The following CTNND2 variants were observed in gnomAD, a reference collection of about 807,000 sequenced individuals.
CTNND2 encodes the protein catenin delta 2.
A neutral mutation model predicts 144.4 loss-of-function variants in CTNND2; 22 were observed. The ratio of observed to expected loss-of-function variants is 0.15; its 90% confidence interval spans 0.11 to 0.22. CTNND2 has a LOEUF of 0.22. Ranked by LOEUF, CTNND2 falls within the 10% of genes least tolerant of loss-of-function variation. The pLI is 1.00. For synonymous variants in CTNND2, 751 were observed against 695.6 expected (o/e 1.08, Z -1.25); for missense variants, 1,353 against 1,618.8 (o/e 0.84, Z 2.82).
At chr5:11,623,816 A>ATATATATATATATATG (rs1781001552) in intron 2 of CTNND2, among the ~76,000 whole-genome samples, 2 of 54,960 alleles carry the variant, frequency 3.6e-5, no homozygotes, top group Non-Finnish European at 3.9e-5. Flanking sequence ...ATGTATATAT[A>ATATATATATATATATG]TATATATATA....
intron 9 of CTNND2, among the ~76,000 whole-genome samples, chr5:11,323,592 GAGC>G (rs1320619161): frequency 6.6e-6 from 1 of 152,164 alleles, no homozygotes; most frequent in Non-Finnish European, 1.5e-5. Context: ...AGGATCCTGG[GAGC>G]AGAACAGATT....
chr5:11,201,712 G>T (rs141968404), intron 10 of CTNND2, among the ~76,000 whole-genome samples: 25 of 152,332 alleles, frequency 1.6e-4, no homozygotes, highest in African/African-American at 6.0e-4. Context: ...GGACAGTGTG[G>T]TTGAGGGGGT....
intron 3 of CTNND2, among the ~76,000 whole-genome samples, chr5:11,455,170 A>G (rs1209091206): frequency 6.6e-6 from 1 of 151,782 alleles, no homozygotes; most frequent in Non-Finnish European, 1.5e-5. Flanking sequence ...AAAGACTGAT[A>G]GTAAAAAACG....
At chr5:11,638,026 T>C (rs950284045) in intron 2 of CTNND2, among the ~76,000 whole-genome samples, 1 of 152,212 alleles carries the variant, frequency 6.6e-6, no homozygotes, top group Non-Finnish European at 1.5e-5. Flanking sequence ...ACAGCCTCTC[T>C]TTTTTCATCA....
At chr5:11,440,592 T>C (rs1002691298) in intron 3 of CTNND2, among the ~76,000 whole-genome samples, 1 of 152,206 alleles carries the variant, frequency 6.6e-6, no homozygotes, top group Non-Finnish European at 1.5e-5. Flanking sequence ...AGCCTTGTAT[T>C]CAGAAATTGA....
chr5:11,406,950 C>T (rs1288343229), intron 5 of CTNND2, among the ~76,000 whole-genome samples: 1 of 151,960 alleles, frequency 6.6e-6, no homozygotes, highest in Non-Finnish European at 1.5e-5. Flanking sequence ...AAAATAATTA[C>T]TATTGCAAAA....
In CTNND2 at chr5:11,262,654, C is replaced by T. The variant is rs539529191; in HGVS notation, c.1629-25831G>A. Among the ~76,000 whole-genome samples the T allele has an allele frequency of 2.6e-4, 39 of 148,060 alleles. No homozygotes were observed. The South Asian group carries it at 3.3e-3, about 13-fold the overall frequency. On this transcript the variant is annotated intron_variant, in intron 9 of 21. Transcript: ENST00000304623. Reference sequence around the variant, plus strand: ...GCGGGCACCTGTAGTCCCAGCTACTCGGGAGGCTGAAGCAGGAGAATGGCG... The same window carrying T: ...GCGGGCACCTGTAGTCCCAGCTACTTGGGAGGCTGAAGCAGGAGAATGGCG...
At chr5:11,477,127 T>C (rs1488194021) in intron 3 of CTNND2, among the ~76,000 whole-genome samples, 1 of 152,228 alleles carries the variant, frequency 6.6e-6, no homozygotes. Context: ...TCCATTGCTT[T>C]ACGGGCAGGT....
At chr5:11,665,236 T>C (rs1009361196) in intron 2 of CTNND2, among the ~76,000 whole-genome samples, 3 of 152,186 alleles carry the variant, frequency 2.0e-5, no homozygotes, top group African/African-American at 7.2e-5. Flanking sequence ...GTGGGCTAGC[T>C]GGGAACCTTG....
chr5:10,995,373 A>T (rs1739227867), intron 18 of CTNND2, among the ~76,000 whole-genome samples: 1 of 152,100 alleles, frequency 6.6e-6, no homozygotes, highest in African/African-American at 2.4e-5. Context: ...GCAATGCGTG[A>T]GGAGGAGAAG....
At chr5:11,089,826 A>G (rs1750576760) in intron 15 of CTNND2, among the ~76,000 whole-genome samples, 2 of 152,194 alleles carry the variant, frequency 1.3e-5, no homozygotes, top group Admixed American at 6.5e-5. Flanking sequence ...CCTGGCCAAT[A>G]TAGTGAAACT....
chr5:11,837,652 C>T (rs1245870798), intron 1 of CTNND2, among the ~76,000 whole-genome samples: 2 of 152,012 alleles, frequency 1.3e-5, no homozygotes, highest in Admixed American at 6.5e-5. Flanking sequence ...GTCAGATCCT[C>T]TGGACAAAAG....
intron 11 of CTNND2, among the ~76,000 whole-genome samples, chr5:11,179,678 G>T (rs1360898844): frequency 1.3e-5 from 2 of 152,040 alleles, no homozygotes; most frequent in Non-Finnish European, 2.9e-5. Flanking sequence ...AAATTTGAGG[G>T]CTGAGGACCT....
At chr5:11,329,295 C>T (rs1318723227) in intron 9 of CTNND2, among the ~76,000 whole-genome samples, 1 of 152,174 alleles carries the variant, frequency 6.6e-6, no homozygotes, top group Non-Finnish European at 1.5e-5. Flanking sequence ...GCTGGGACTA[C>T]AGGCATGCGC....
chr5:11,715,141 C>T (rs1429800247), intron 2 of CTNND2, among the ~76,000 whole-genome samples: 1 of 152,012 alleles, frequency 6.6e-6, no homozygotes, highest in African/African-American at 2.4e-5. Context: ...AAAATAAATG[C>T]CCCAATTTAA....
chr5:11,784,520 T>A (rs1388700269), intron 1 of CTNND2, among the ~76,000 whole-genome samples: 1 of 152,228 alleles, frequency 6.6e-6, no homozygotes, highest in Non-Finnish European at 1.5e-5. Flanking sequence ...CAATGGGATA[T>A]CCTTCCATTG....
At chr5:11,482,237 C>G (rs1768346194) in intron 3 of CTNND2, among the ~76,000 whole-genome samples, 1 of 152,080 alleles carries the variant, frequency 6.6e-6, no homozygotes. Context: ...TGGCAGCTCC[C>G]CAGTCTGGAA....
chr5:11,701,251 A>G (rs1439764661), intron 2 of CTNND2, among the ~76,000 whole-genome samples: 1 of 152,172 alleles, frequency 6.6e-6, no homozygotes, highest in African/African-American at 2.4e-5. Context: ...TCCCCATAGG[A>G]AAACCCTAGC....
At chr5:11,813,199 C>G (rs972597781) in intron 1 of CTNND2, among the ~76,000 whole-genome samples, 1 of 152,214 alleles carries the variant, frequency 6.6e-6, no homozygotes, top group Non-Finnish European at 1.5e-5. Context: ...CAGTAGTATA[C>G]TGTACAGATA....
Sources: allele counts gnomAD v4.1 joint callset (sites outside exome capture counted in the v4.1 genomes callset), GRCh38; gene constraint gnomAD v4.1.1; transcripts MANE v1.5; gene names NCBI Gene and HGNC (gene_info 2026-07-23, HGNC 2026-07-21).